BANK1: variants seen among roughly 807,000 people sequenced by gnomAD.
BANK1 encodes B cell scaffold protein with ankyrin repeats 1.
Under a neutral mutation model 94.5 loss-of-function variants are expected in BANK1, and 95 were observed. That is an observed-to-expected ratio of 1.00 (90% CI 0.85 to 1.19). BANK1 has a LOEUF of 1.19. Ranked by LOEUF, BANK1 falls within the 50% of genes most tolerant of loss-of-function variation. The pLI is 0.00. For missense variants in BANK1, 987 were observed against 932.2 expected, an observed-to-expected ratio of 1.06 and a Z score of -0.77; for synonymous variants, 334 against 308.4, an observed-to-expected ratio of 1.08 and a Z score of -0.87.
intron 7 of BANK1, among the ~76,000 whole-genome samples, chr4:101,960,884 A>G (rs1724544284): frequency 6.6e-6 from 1 of 152,190 alleles, no homozygotes; most frequent in South Asian, 2.1e-4. Context: ...GATTCTAGGT[A>G]AGTCACCTCT....
intron 5 of BANK1, among the ~76,000 whole-genome samples, chr4:101,883,724 A>G (rs965292847): frequency 2.0e-5 from 3 of 152,208 alleles, no homozygotes; most frequent in Admixed American, 6.5e-5. Context: ...TAGAGGATTC[A>G]TGTCTTAAAC....
chr4:101,918,254 A>C (rs1294320313), intron 7 of BANK1, 65 bp downstream of exon 7: 13 of 1,164,448 alleles, frequency 1.1e-5, no homozygotes, highest in Non-Finnish European at 1.5e-5. Flanking sequence ...AGACTGTAAG[A>C]AGAAAAAACC....
intron 11 of BANK1, among the ~76,000 whole-genome samples, chr4:102,045,584 T>A (rs1727852225): frequency 6.6e-6 from 1 of 152,122 alleles, no homozygotes; most frequent in African/African-American, 2.4e-5. Flanking sequence ...GATAAGCAGC[T>A]TCAGCAAAGT....
intron 6 of BANK1, among the ~76,000 whole-genome samples, chr4:101,907,180 T>C (rs1185121523): frequency 6.6e-6 from 1 of 152,158 alleles, no homozygotes; most frequent in Admixed American, 6.6e-5. Flanking sequence ...GGCTTAAGAA[T>C]GCCTTTATCA....
intron 1 of BANK1, among the ~76,000 whole-genome samples, chr4:101,801,782 G>A (rs964844885): frequency 1.3e-5 from 2 of 152,160 alleles, no homozygotes; most frequent in East Asian, 3.8e-4. Flanking sequence ...TATTTAAAAT[G>A]TAAACTTTGT....
At chr4:101,905,776 A>C (rs888261109) in intron 6 of BANK1, among the ~76,000 whole-genome samples, 2 of 152,162 alleles carry the variant, frequency 1.3e-5, no homozygotes, top group African/African-American at 4.8e-5. Flanking sequence ...GCAGCCTGGC[A>C]AACAGTATTA....
chr4:102,044,510 A>G (rs1727813291), intron 11 of BANK1, among the ~76,000 whole-genome samples: 1 of 145,588 alleles, frequency 6.9e-6, no homozygotes, highest in Non-Finnish European at 1.5e-5. Context: ...ATGTGTCTTT[A>G]TAGCAGCATG....
chr4:101,806,462 A>G (rs11931087), intron 1 of BANK1, among the ~76,000 whole-genome samples: 37,703 of 150,228 alleles, frequency 0.25, 5,205 homozygotes, highest in Non-Finnish European at 0.32. Flanking sequence ...TCTTAATAAC[A>G]TAGAAATACG....
chr4:101,971,737 T>C (rs1031729995), intron 7 of BANK1, among the ~76,000 whole-genome samples: 5 of 152,158 alleles, frequency 3.3e-5, no homozygotes, highest in African/African-American at 1.2e-4. Flanking sequence ...TTTATTGAAA[T>C]GACTGTTCTT....
chr4:101,927,571 G>A (rs539024393), intron 7 of BANK1, among the ~76,000 whole-genome samples: 6 of 151,606 alleles, frequency 4.0e-5, no homozygotes, highest in Non-Finnish European at 1.5e-5. Context: ...CCACTAGGAT[G>A]ACAGCAGCAA....
At chr4:101,865,886 A>G (rs1051534196) in intron 4 of BANK1, among the ~76,000 whole-genome samples, 8 of 152,184 alleles carry the variant, frequency 5.3e-5, no homozygotes, top group Admixed American at 2.6e-4. Context: ...AGACAGAAAC[A>G]AGAATGCTAG....
intron 3 of BANK1, among the ~76,000 whole-genome samples, chr4:101,855,897 A>G (rs1412576558): frequency 6.6e-6 from 1 of 152,188 alleles, no homozygotes; most frequent in African/African-American, 2.4e-5. Flanking sequence ...ATATGTTCCT[A>G]GCATGTCTTC....
At chr4:101,964,594 A>G (rs1578424739) in intron 7 of BANK1, among the ~76,000 whole-genome samples, 1 of 152,054 alleles carries the variant, frequency 6.6e-6, no homozygotes, top group Non-Finnish European at 1.5e-5. Flanking sequence ...AAACTTACAA[A>G]ATCCATTTAT....
At chr4:101,875,990 A>G (rs1435052944) in intron 5 of BANK1, among the ~76,000 whole-genome samples, 3 of 152,168 alleles carry the variant, frequency 2.0e-5, no homozygotes, top group Admixed American at 2.0e-4. Context: ...GCTCCAAAAG[A>G]GACCCCTTCC....
chr4:102,047,096 G>C (rs1727902463), intron 11 of BANK1, among the ~76,000 whole-genome samples: 1 of 152,092 alleles, frequency 6.6e-6, no homozygotes, highest in South Asian at 2.1e-4. Flanking sequence ...GGCTGGGAAT[G>C]GATTGCACCA....
At chr4:101,957,911 C>T (rs1724420913) in intron 7 of BANK1, among the ~76,000 whole-genome samples, 1 of 145,198 alleles carries the variant, frequency 6.9e-6, no homozygotes, top group Non-Finnish European at 1.5e-5. Context: ...GTGGCCTGAT[C>T]TCAGCTCACT....
chr4:101,815,049 G>A (rs970927062), intron 1 of BANK1, among the ~76,000 whole-genome samples: 13 of 152,110 alleles, frequency 8.5e-5, no homozygotes, highest in African/African-American at 3.1e-4. Flanking sequence ...AAAGAATAAG[G>A]GAAGGGGGAA....
intron 6 of BANK1, among the ~76,000 whole-genome samples, chr4:101,897,090 C>G (rs1722109324): frequency 6.6e-6 from 1 of 151,888 alleles, no homozygotes; most frequent in South Asian, 2.1e-4. Flanking sequence ...CACTCCTCAC[C>G]TCATGGTTTT....
intron 1 of BANK1, among the ~76,000 whole-genome samples, chr4:101,817,070 C>T (rs1198733702): frequency 2.6e-5 from 4 of 152,008 alleles, no homozygotes; most frequent in African/African-American, 9.7e-5. Context: ...CCCTTTTTTG[C>T]TCCTACTCAA....
Sources: allele counts gnomAD v4.1 joint callset (sites outside exome capture counted in the v4.1 genomes callset), GRCh38; gene constraint gnomAD v4.1.1; transcripts MANE v1.5; gene names NCBI Gene and HGNC (gene_info 2026-07-23, HGNC 2026-07-21).